The following FRMPD3 variants were observed in gnomAD, a reference collection of about 807,000 sequenced individuals.
The protein encoded by FRMPD3 is FERM and PDZ domain containing 3, also known as FERM and PDZ domain-containing protein 3.
Under a neutral mutation model 97.9 loss-of-function variants are expected in FRMPD3, and 42 were observed. The ratio of observed to expected loss-of-function variants is 0.43; its 90% CI spans 0.34 to 0.55. The LOEUF (loss-of-function observed/expected upper bound fraction) is 0.55, where lower values mean the gene tolerates loss of function less well. FRMPD3 is among the 20% of genes least tolerant of loss of function. The pLI is 0.03. For synonymous variants in FRMPD3, 577 were observed against 581.1 expected (o/e 0.99, Z 0.10); for missense variants, 1,303 against 1,457.7 (o/e 0.89, Z 1.73).
chrX:107,603,392 T>C lies in FRMPD3; in HGVS notation c.*19T>C. 8.9e-7 allele frequency: 1 copy of C among 1,125,770 alleles called. No individual in the cohort carries two copies. Among genetic ancestry groups the C allele is most frequent in the Non-Finnish European group, 1.2e-6 (1 of 851,529 alleles). The allele number at this position is 1,125,770 out of a possible 1,213,427, so 92.8% of individuals were successfully genotyped here. On this transcript the variant is annotated 3_prime_UTR_variant, in exon 15 of 15. Transcript: ENST00000683843. ...TAAGTAGGGCATCTGCCCACACCTGTCCCCCTTCCCCAACCATGGCCCCAG... is the reference window on the plus strand; with the variant it reads ...TAAGTAGGGCATCTGCCCACACCTGCCCCCCTTCCCCAACCATGGCCCCAG...
chrX:107,540,766 C>T (rs780714161), intron 4 of FRMPD3, among the ~76,000 whole-genome samples: 1 of 112,201 alleles, frequency 8.9e-6, no homozygotes, highest in African/African-American at 3.2e-5. Flanking sequence ...TTAATCTATG[C>T]TTAATGGATT....
intron 4 of FRMPD3, among the ~76,000 whole-genome samples, chrX:107,538,611 T>C (rs1921128867): frequency 9.4e-6 from 1 of 105,908 alleles, no homozygotes; most frequent in Non-Finnish European, 1.9e-5. Flanking sequence ...TAATAGCTCC[T>C]ACATTATGTG....
chrX:107,539,042 G>A (rs991602646), intron 4 of FRMPD3, among the ~76,000 whole-genome samples: 1 of 111,069 alleles, frequency 9.0e-6, no homozygotes, highest in Non-Finnish European at 1.9e-5. Flanking sequence ...TGATTCATTC[G>A]AGCAGCAGAG....
intron 1 of FRMPD3, among the ~76,000 whole-genome samples, chrX:107,526,018 G>C (rs1450264900): frequency 1.8e-5 from 2 of 111,513 alleles, no homozygotes; most frequent in African/African-American, 6.5e-5. Context: ...GGAGGTTGCA[G>C]TGAGCCAAGA....
chrX:107,490,040 T>G (rs1359535455), intron 1 of FRMPD3, among the ~76,000 whole-genome samples: 1 of 112,355 alleles, frequency 8.9e-6, no homozygotes. Flanking sequence ...GGATCCAGTT[T>G]CAGCTTTCTA....
chrX:107,533,391 A>C, intron 3 of FRMPD3, 114 bp from the exon 4 acceptor site: 1 of 625,814 alleles, frequency 1.6e-6, no homozygotes, highest in Non-Finnish European at 2.6e-6. Flanking sequence ...ATTGCCCTCT[A>C]TCCTAATCCA....
chrX:107,599,817 A>C (rs1038474853), intron 14 of FRMPD3, among the ~76,000 whole-genome samples: 1 of 105,134 alleles, frequency 9.5e-6, no homozygotes, highest in Admixed American at 1.0e-4. Flanking sequence ...CACTCTTCCC[A>C]CCCTCAGCCC....
At chrX:107,502,890 G>C (rs1921947972) in intron 1 of FRMPD3, among the ~76,000 whole-genome samples, 1 of 112,606 alleles carries the variant, frequency 8.9e-6, no homozygotes, top group Admixed American at 9.3e-5. Context: ...AGCAGTGTTG[G>C]GGGTGTGCCA....
chrX:107,581,678 A>G (rs1344388759), intron 13 of FRMPD3, among the ~76,000 whole-genome samples: 1 of 111,469 alleles, frequency 9.0e-6, no homozygotes, highest in Non-Finnish European at 1.9e-5. Context: ...ATCACCTCCC[A>G]GCCCTAAGCA....
chrX:107,550,475 C>G (rs1921819489), intron 6 of FRMPD3, among the ~76,000 whole-genome samples: 1 of 112,448 alleles, frequency 8.9e-6, no homozygotes, highest in Admixed American at 9.4e-5. Flanking sequence ...GATCATTAAG[C>G]CATTTATAAA....
rs1478636552 is a variant in FRMPD3 at position 107,600,467 on chromosome X, G to A, written c.2428G>A (p.Ala810Thr). 8.3e-7 allele frequency: 1 copy of A among 1,210,445 alleles called. No homozygotes were observed. Among genetic ancestry groups the A allele is most frequent in the Non-Finnish European group, 1.1e-6 (1 of 895,254 alleles). ...GCACCTCAACAAGGACAGCCTCCTT[G>A]CCCGCAAGGACCTGCCCTTCCGGAT... ...AQHLNKDSLLARKDLPFRIQS... is the reference protein window; with the variant it reads ...AQHLNKDSLLTRKDLPFRIQS... The change falls in exon 15 of 15, where the codon GCC becomes ACC. Residue 810 changes from alanine (A) to threonine (T), a missense_variant. Ala to Thr is a moderately conservative substitution (Grantham distance 58, BLOSUM62 0). Coordinates refer to ENST00000683843, the MANE Select transcript of FRMPD3 (RefSeq NM_001388459.1).
chrX:107,484,089 C>T (rs1162961911), intron 1 of FRMPD3, among the ~76,000 whole-genome samples: 1 of 112,077 alleles, frequency 8.9e-6, no homozygotes, highest in Non-Finnish European at 1.9e-5. Flanking sequence ...GGTGGGGAGT[C>T]AGGTGGGTCC....
chrX:107,470,654 AG>A (rs1464143543), intron 1 of FRMPD3, among the ~76,000 whole-genome samples: 19 of 112,248 alleles, frequency 1.7e-4, no homozygotes, highest in African/African-American at 4.8e-4. Context: ...TGCTCAGGGG[AG>A]GGGATACACA....
chrX:107,481,632 C>A (rs1180884386), intron 1 of FRMPD3, among the ~76,000 whole-genome samples: 1 of 111,694 alleles, frequency 9.0e-6, no homozygotes, highest in Non-Finnish European at 1.9e-5. Flanking sequence ...GGGCAAGCAG[C>A]GGGGCCTAAT....
intron 9 of FRMPD3, 78 bp from the exon 10 acceptor site, chrX:107,560,645 TTCAG>T (rs1271284311): frequency 3.8e-6 from 4 of 1,041,541 alleles, no homozygotes; most frequent in Admixed American, 6.1e-5. Flanking sequence ...ACCTCTCAGA[TTCAG>T]TCAATTTCTG....
At position 107,602,868 on chromosome X, in the gene FRMPD3, C is replaced by T. The variant is rs765526059; in HGVS notation, c.4829C>T (p.Ala1610Val). The change falls in exon 15 of 15, where the codon GCC (alanine) becomes GTC (valine). Residue 1610 changes from alanine (A) to valine (V), a missense_variant. Coordinates refer to ENST00000683843, the MANE Select transcript of FRMPD3 (RefSeq NM_001388459.1). ...ELLTVLRQCV[A>V]SPEARAPKPY... ...CTGACAGTCCTGCGGCAGTGTGTGG[C>T]CAGCCCCGAGGCCCGTGCCCCCAAG... is the stretch of plus-strand genomic sequence containing the variant. 2.7e-5 allele frequency: 33 copies of T among 1,209,288 alleles called. No individual in the cohort carries two copies. Among genetic ancestry groups the T allele is most frequent in the Non-Finnish European group, 3.7e-5 (33 of 894,909 alleles).
intron 1 of FRMPD3, among the ~76,000 whole-genome samples, chrX:107,515,657 C>T (rs1011756735): frequency 1.8e-5 from 2 of 111,933 alleles, no homozygotes; most frequent in Admixed American, 9.4e-5. Context: ...GCAGACACTG[C>T]AAGGGAATTG....
intron 1 of FRMPD3, among the ~76,000 whole-genome samples, chrX:107,519,487 C>T (rs1922441391): frequency 9.0e-6 from 1 of 111,702 alleles, no homozygotes; most frequent in South Asian, 3.8e-4. Flanking sequence ...GAGTGAGACC[C>T]TGTCTCAATC....
intron 2 of FRMPD3, among the ~76,000 whole-genome samples, 175 bp from the exon 3 acceptor site, chrX:107,530,234 G>GCAGCAA: frequency 8.9e-6 from 1 of 112,149 alleles, no homozygotes; most frequent in Admixed American, 9.4e-5. Context: ...AGCAGCAGCG[G>GCAGCAA]CAGCAACAGC....
Sources: gnomAD v4.1 joint callset for allele counts (sites outside exome capture counted in the v4.1 genomes callset) on GRCh38, gnomAD v4.1.1 for gene constraint, MANE v1.5 for transcripts, NCBI Gene and HGNC (gene_info 2026-07-23, HGNC 2026-07-21) for gene names.